Variants in UNC5C observed in about 807,000 individuals in gnomAD.
UNC5C encodes netrin receptor UNC5C.
UNC5C carries 47 observed loss-of-function variants against 99.8 expected under a neutral mutation model. The observed-to-expected ratio is 0.47, with a 90% confidence interval of 0.37 to 0.60. The LOEUF (loss-of-function observed/expected upper bound fraction) is 0.60, where lower values mean the gene tolerates loss of function less well. UNC5C is among the 20% of genes least tolerant of loss of function. The pLI, the probability that UNC5C is intolerant of heterozygous loss-of-function variation, is 0.00. For synonymous variants in UNC5C, 487 were observed against 452.2 expected, an observed-to-expected ratio of 1.08 and a Z score of -0.98; for missense variants, 1,062 against 1,165.9, an observed-to-expected ratio of 0.91 and a Z score of 1.30.
chr4:95,487,790 G>A (rs2629832), intron 1 of UNC5C, among the ~76,000 whole-genome samples: 29,704 of 151,620 alleles, frequency 0.2, 5,731 homozygotes, highest in African/African-American at 0.5. Context: ...AACCATATAG[G>A]TAAGTTGGCA....
At chr4:95,285,954 T>C (rs1579296225) in intron 3 of UNC5C, among the ~76,000 whole-genome samples, 2 of 152,288 alleles carry the variant, frequency 1.3e-5, no homozygotes, top group South Asian at 4.2e-4. Flanking sequence ...GTCCTGACCC[T>C]ACCACTTGAC....
chr4:95,524,327 A>G (rs1203425360), intron 1 of UNC5C, among the ~76,000 whole-genome samples: 1 of 152,164 alleles, frequency 6.6e-6, no homozygotes, highest in African/African-American at 2.4e-5. Flanking sequence ...GGTTATTGTG[A>G]GGATTAAAAG....
chr4:95,226,190 A>G (rs1579247169), intron 7 of UNC5C, among the ~76,000 whole-genome samples: 1 of 152,168 alleles, frequency 6.6e-6, no homozygotes, highest in East Asian at 1.9e-4. Context: ...TGCTACTTCA[A>G]AGTAAGGTGG....
rs528843485 is a variant in UNC5C, at chr4:95,188,300, C to G, written c.2137-3104G>C. ...CGCAAAGTGGCAACTGGTATCGTTG[C>G]ACTAAAGACGTTCATGACATAGGAA... On this transcript the variant is annotated intron_variant, in intron 12 of 15. Transcript: ENST00000453304. 7.2e-5 allele frequency among the ~76,000 whole-genome samples: 11 copies of G among 152,168 alleles called. No homozygotes were observed. The South Asian group carries it at 2.3e-3, about 32-fold the overall frequency.
chr4:95,214,364 T>G (rs993331945), intron 10 of UNC5C, among the ~76,000 whole-genome samples: 3 of 152,202 alleles, frequency 2.0e-5, no homozygotes, highest in African/African-American at 7.2e-5. Flanking sequence ...TTCAACAGAG[T>G]AATTCCCTCT....
chr4:95,359,809 G>GA (rs1199361163), intron 1 of UNC5C, among the ~76,000 whole-genome samples: 3 of 151,952 alleles, frequency 2.0e-5, no homozygotes, highest in Admixed American at 6.6e-5. Context: ...TAACAATATT[G>GA]AAAAAAATAT....
chr4:95,502,700 AT>A (rs1721807810), intron 1 of UNC5C, among the ~76,000 whole-genome samples: 1 of 152,164 alleles, frequency 6.6e-6, no homozygotes, highest in Non-Finnish European at 1.5e-5. Flanking sequence ...GTCAGTTACC[AT>A]TTTCATTATT....
intron 1 of UNC5C, among the ~76,000 whole-genome samples, chr4:95,374,485 G>A (rs1034494568): frequency 1.3e-5 from 2 of 152,026 alleles, no homozygotes; most frequent in Non-Finnish European, 2.9e-5. Context: ...CCCCTTACAA[G>A]CAGTCGCTCC....
intron 1 of UNC5C, among the ~76,000 whole-genome samples, chr4:95,431,596 C>T (rs1018455206): frequency 6.6e-6 from 1 of 151,790 alleles, no homozygotes; most frequent in African/African-American, 2.4e-5. Context: ...GTAGAACCGT[C>T]GACATGTCTG....
chr4:95,507,262 T>C (rs1042536305), intron 1 of UNC5C, among the ~76,000 whole-genome samples: 2 of 151,996 alleles, frequency 1.3e-5, no homozygotes, highest in African/African-American at 2.4e-5. Context: ...TTTATCTATT[T>C]AAACTGACCA....
intron 2 of UNC5C, among the ~76,000 whole-genome samples, chr4:95,331,760 A>C (rs1182212814): frequency 6.6e-6 from 1 of 152,164 alleles, no homozygotes; most frequent in Non-Finnish European, 1.5e-5. Context: ...TAAAGATTTC[A>C]CAGAGAAGAA....
chr4:95,340,231 A>G (rs769267772), intron 1 of UNC5C, among the ~76,000 whole-genome samples: 45 of 152,092 alleles, frequency 3.0e-4, no homozygotes, highest in Non-Finnish European at 3.8e-4. Flanking sequence ...AACTTAATAC[A>G]TAAGTTTCTA....
intron 1 of UNC5C, among the ~76,000 whole-genome samples, chr4:95,408,481 T>G: frequency 6.6e-6 from 1 of 152,206 alleles, no homozygotes; most frequent in East Asian, 1.9e-4. Context: ...CTATAGAATC[T>G]TTTTGAATTG....
Position 95,206,639 on chromosome 4 carries a change from C to A in UNC5C, c.1891G>T (p.Gly631Ter). ...CGACAGCAGCTCACCTCCCACTGTC[C>A]CTGTGCTGCCTGGTTCTTGAGCAGT... ...KILLKNQAAQ[G>*]QWEDVVVVGE... Residue 631 changes from glycine to a stop codon, truncating the protein, a stop_gained, in exon 11 of 16, where the codon GGA becomes TGA. Coordinates refer to ENST00000453304, the MANE Select transcript of UNC5C (RefSeq NM_003728.4). LOFTEE classifies it high-confidence loss of function. 6.2e-7 allele frequency: 1 copy of A among 1,614,074 alleles called. No homozygotes were observed. The highest frequency in any genetic ancestry group is 8.5e-7 in the Non-Finnish European group (1 of 1,180,012).
At chr4:95,179,746 C>CAAAAAAA (rs33974336) in intron 14 of UNC5C, among the ~76,000 whole-genome samples, 7 of 98,420 alleles carry the variant, frequency 7.1e-5, no homozygotes, top group Admixed American at 2.3e-4. Context: ...GACTCCTTCT[C>CAAAAAAA]AAAAAAAAAA....
intron 14 of UNC5C, among the ~76,000 whole-genome samples, chr4:95,171,019 C>A (rs1313379194): frequency 6.6e-6 from 1 of 152,082 alleles, no homozygotes; most frequent in Non-Finnish European, 1.5e-5. Context: ...TAGAGAAAAC[C>A]ATAAATTGGC....
chr4:95,280,262 G>T (rs1356043224), intron 3 of UNC5C, among the ~76,000 whole-genome samples: 2 of 152,200 alleles, frequency 1.3e-5, no homozygotes, highest in African/African-American at 4.8e-5. Context: ...AAACCCTCAA[G>T]ATTATAAAGG....
intron 1 of UNC5C, among the ~76,000 whole-genome samples, chr4:95,345,607 C>T (rs928907263): frequency 2.6e-5 from 4 of 151,854 alleles, no homozygotes; most frequent in Admixed American, 6.6e-5. Flanking sequence ...TGTGTTATGC[C>T]ACAAAATAAG....
intron 3 of UNC5C, among the ~76,000 whole-genome samples, chr4:95,294,884 A>C (rs994722561): frequency 3.9e-5 from 6 of 152,168 alleles, no homozygotes; most frequent in African/African-American, 1.4e-4. Context: ...TTTAATCTTA[A>C]AATAACTCTT....
Sources: allele counts gnomAD v4.1 joint callset (sites outside exome capture counted in the v4.1 genomes callset), GRCh38; gene constraint gnomAD v4.1.1; transcripts MANE v1.5; gene names NCBI Gene and HGNC (gene_info 2026-07-23, HGNC 2026-07-21).